HACD2: variants seen among roughly 807,000 people sequenced by gnomAD.
HACD2 encodes 3-hydroxyacyl-CoA dehydratase 2.
In HACD2, 15 loss-of-function variants were observed where a neutral mutation model predicts 31.0. The observed-to-expected ratio is 0.48, with a 90% CI of 0.32 to 0.75. The LOEUF (loss-of-function observed/expected upper bound fraction) is 0.75. Ranked by LOEUF, HACD2 falls within the 30% of genes least tolerant of loss-of-function variation. The pLI, the probability that HACD2 is intolerant of heterozygous loss-of-function variation, is 0.03. For missense variants in HACD2, 283 were observed against 313.0 expected, an observed-to-expected ratio of 0.90 and a Z score of 0.72; for synonymous variants, 115 against 122.2, an observed-to-expected ratio of 0.94 and a Z score of 0.39.
intron 2 of HACD2, among the ~76,000 whole-genome samples, chr3:123,578,121 T>C (rs913060580): frequency 1.3e-5 from 2 of 152,246 alleles, no homozygotes; most frequent in Non-Finnish European, 2.9e-5. Context: ...AATGAAATCA[T>C]ACTATTTGTG....
At chr3:123,575,262 G>A (rs1030729238) in intron 2 of HACD2, among the ~76,000 whole-genome samples, 2 of 152,024 alleles carry the variant, frequency 1.3e-5, no homozygotes, top group African/African-American at 2.4e-5. Flanking sequence ...ATGCGCCACT[G>A]TATCCGGCTA....
intron 3 of HACD2, among the ~76,000 whole-genome samples, chr3:123,566,630 TG>T (rs112222053): frequency 1 from 151,826 of 151,828 alleles, 75,912 homozygotes; most frequent in Middle Eastern, 1. Flanking sequence ...GCGTGGTGAC[TG>T]CATGCCTGTA....
chr3:123,562,306 C>T (rs1336491925), intron 3 of HACD2, among the ~76,000 whole-genome samples: 2 of 152,128 alleles, frequency 1.3e-5, no homozygotes, highest in Non-Finnish European at 2.9e-5. Flanking sequence ...TGAGCCCCTC[C>T]ATGGATTTTA....
chr3:123,515,908 C>T (rs1056146649), intron 4 of HACD2, among the ~76,000 whole-genome samples: 1 of 151,922 alleles, frequency 6.6e-6, no homozygotes, highest in African/African-American at 2.4e-5. Context: ...AGGTATGCAC[C>T]ACCATGCCCG....
In HACD2 at chr3:123,579,474, A is replaced by T. The variant is rs1466926912; in HGVS notation, c.273+2738T>A. On this transcript the variant is annotated intron_variant, in intron 2 of 6. Transcript: ENST00000383657. ...ACCCAGCCCAGCTAAAAAAAAAAAA[A>T]TTTTTTTTTTGTAGAGATGAGGTCT... is the stretch of plus-strand genomic sequence containing the variant. 5.0e-4 allele frequency among the ~76,000 whole-genome samples: 75 copies of T among 149,260 alleles called. No individual in the cohort carries two copies. In the East Asian group the frequency reaches 6.1e-3, roughly 12 times the overall value.
intron 2 of HACD2, among the ~76,000 whole-genome samples, chr3:123,578,632 T>C (rs765000779): frequency 3.3e-5 from 5 of 152,198 alleles, no homozygotes; most frequent in Non-Finnish European, 7.3e-5. Flanking sequence ...AATGTTTTTA[T>C]GTCTTTTAAA....
intron 3 of HACD2, among the ~76,000 whole-genome samples, chr3:123,553,930 G>A (rs1432376276): frequency 6.7e-6 from 1 of 149,082 alleles, no homozygotes; most frequent in East Asian, 2.0e-4. Flanking sequence ...ACTAGAGAAT[G>A]AGCTTCATCC....
In HACD2 at chr3:123,514,044, G is replaced by A. The variant is rs1282686934; in HGVS notation, c.382-11363C>T. Among the ~76,000 whole-genome samples, 7 of 152,316 alleles carry A rather than the reference G, an allele frequency of 4.6e-5. No homozygotes were observed. The East Asian group carries it at 1.4e-3, about 29-fold the overall frequency. On this transcript the variant is annotated intron_variant, in intron 4 of 6. Coordinates refer to ENST00000383657, the MANE Select transcript of HACD2 (RefSeq NM_198402.5). ...AATCCCACCACTTTGGGAAGCTGAG[G>A]CGGGCGGATTGCTTGAGCCCAGCAG... is the stretch of plus-strand genomic sequence containing the variant.
At chr3:123,577,620 C>CAAAA (rs35024817) in intron 2 of HACD2, among the ~76,000 whole-genome samples, 1 of 90,428 alleles carries the variant, frequency 1.1e-5, no homozygotes, top group African/African-American at 3.3e-5. Flanking sequence ...GACTCTGTCT[C>CAAAA]AAAAAAAAAA....
At chr3:123,566,186 C>T (rs751626001) in intron 3 of HACD2, among the ~76,000 whole-genome samples, 6 of 152,182 alleles carry the variant, frequency 3.9e-5, no homozygotes, top group Non-Finnish European at 7.3e-5. Flanking sequence ...CAGAAACATA[C>T]GTATAAAATT....
chr3:123,525,382 G>A (rs936235430), intron 4 of HACD2, among the ~76,000 whole-genome samples: 1 of 152,116 alleles, frequency 6.6e-6, no homozygotes, highest in South Asian at 2.1e-4. Context: ...CTGATGGGTA[G>A]ATCCTTACAC....
At chr3:123,549,582 T>C (rs1345875097) in intron 3 of HACD2, among the ~76,000 whole-genome samples, 2 of 152,110 alleles carry the variant, frequency 1.3e-5, no homozygotes, top group African/African-American at 4.8e-5. Context: ...ACCCCGTCTC[T>C]ACCAAAAATA....
At chr3:123,539,223 G>A (rs577997273) in intron 3 of HACD2, among the ~76,000 whole-genome samples, 15 of 152,202 alleles carry the variant, frequency 9.9e-5, no homozygotes, top group African/African-American at 3.6e-4. Flanking sequence ...TTCCCCATTG[G>A]TGTTTAGAAA....
At position 123,580,853 on chromosome 3, in the gene HACD2, A is replaced by AT. The variant is rs60669874; in HGVS notation, c.273+1358dup. ...CACACTTCATTTCATGAGATAAAGA[A>AT]TTTTTTTTTTTTTTTTTTTTGAGAC... On this transcript the variant is annotated intron_variant, in intron 2 of 6. Coordinates refer to ENST00000383657, the MANE Select transcript of HACD2 (RefSeq NM_198402.5). 2.8e-3 allele frequency among the ~76,000 whole-genome samples: 291 copies of AT among 105,288 alleles called. 3 individuals carry two copies. Among genetic ancestry groups the AT allele is most frequent in the Middle Eastern group, 5.0e-3 (1 of 202 alleles). 69.1% of individuals were successfully genotyped at this position (105,288 alleles called of 152,430 possible).
intron 4 of HACD2, among the ~76,000 whole-genome samples, chr3:123,516,741 T>C (rs551197664): frequency 2.0e-5 from 3 of 152,360 alleles, no homozygotes; most frequent in East Asian, 1.9e-4. Flanking sequence ...AAGCGATACA[T>C]GATCGATTCT....
intron 3 of HACD2, among the ~76,000 whole-genome samples, chr3:123,544,271 AAG>A (rs1412848270): frequency 1.3e-5 from 2 of 152,194 alleles, no homozygotes; most frequent in Non-Finnish European, 2.9e-5. Flanking sequence ...AGAGAAGAGA[AAG>A]AGCAATTATA....
intron 4 of HACD2, chr3:123,502,980 G>A: frequency 3.5e-6 from 1 of 287,318 alleles, no homozygotes; most frequent in Non-Finnish European, 6.8e-6. Context: ...TGCGGAGAAT[G>A]TGGACTGATG....
intron 3 of HACD2, among the ~76,000 whole-genome samples, chr3:123,565,069 C>G (rs951535218): frequency 6.6e-6 from 1 of 152,112 alleles, no homozygotes; most frequent in African/African-American, 2.4e-5. Flanking sequence ...TAGGTCTGAG[C>G]CCATTCACCT....
At chr3:123,548,646 G>A (rs533851949) in intron 3 of HACD2, among the ~76,000 whole-genome samples, 18 of 151,836 alleles carry the variant, frequency 1.2e-4, no homozygotes, top group Non-Finnish European at 2.2e-4. Flanking sequence ...TTTTTGAGAT[G>A]GGGTCTCGCT....
Sources: allele counts gnomAD v4.1 joint callset (sites outside exome capture counted in the v4.1 genomes callset), GRCh38; gene constraint gnomAD v4.1.1; transcripts MANE v1.5; gene names NCBI Gene and HGNC (gene_info 2026-07-23, HGNC 2026-07-21).